Variants in CAMKMT observed in about 807,000 individuals in gnomAD.
The protein encoded by CAMKMT is calmodulin-lysine N-methyltransferase.
CAMKMT carries 53 observed loss-of-function variants against 48.0 expected under a neutral mutation model. That is an observed-to-expected ratio of 1.10 (90% CI 0.89 to 1.39). The LOEUF is 1.39. CAMKMT is among the 40% of genes most tolerant of loss of function. The pLI is 0.00. For synonymous variants in CAMKMT, 165 were observed against 152.3 expected, an observed-to-expected ratio of 1.08 and a Z score of -0.61; for missense variants, 428 against 402.7, an observed-to-expected ratio of 1.06 and a Z score of -0.54.
chr2:44,625,730 G>A (rs376445487), intron 3 of CAMKMT, among the ~76,000 whole-genome samples: 7 of 151,886 alleles, frequency 4.6e-5, no homozygotes, highest in South Asian at 4.1e-4. Context: ...TTTCCGTACC[G>A]ATATCCAGTT....
intron 3 of CAMKMT, among the ~76,000 whole-genome samples, chr2:44,579,294 T>C (rs754818091): frequency 4.7e-4 from 72 of 152,070 alleles, no homozygotes; most frequent in Admixed American, 6.6e-5. Flanking sequence ...TCATGTCAGG[T>C]ATTTAAAAGT....
intron 3 of CAMKMT, among the ~76,000 whole-genome samples, chr2:44,437,887 T>G (rs1161984688): frequency 6.7e-6 from 1 of 150,084 alleles, no homozygotes; most frequent in Admixed American, 6.7e-5. Context: ...TTCAGAGAAC[T>G]ACTACCTTCT....
At chr2:44,551,297 C>T (rs1667703241) in intron 3 of CAMKMT, among the ~76,000 whole-genome samples, 1 of 152,058 alleles carries the variant, frequency 6.6e-6, no homozygotes, top group Admixed American at 6.6e-5. Flanking sequence ...ACTCCAGAAA[C>T]CTGAGCATGA....
intron 3 of CAMKMT, among the ~76,000 whole-genome samples, chr2:44,475,195 T>G (rs1668624388): frequency 1.3e-5 from 2 of 152,188 alleles, no homozygotes; most frequent in Admixed American, 1.3e-4. Flanking sequence ...AGTAGATAAA[T>G]TAGGCTTTAA....
intron 3 of CAMKMT, among the ~76,000 whole-genome samples, chr2:44,486,977 A>G (rs1173491541): frequency 6.6e-6 from 1 of 152,222 alleles, no homozygotes. Flanking sequence ...GTGTTTCACT[A>G]TTTTATAGAT....
chr2:44,698,934 A>T (rs1677113063), intron 3 of CAMKMT, among the ~76,000 whole-genome samples: 1 of 152,220 alleles, frequency 6.6e-6, no homozygotes, highest in Non-Finnish European at 1.5e-5. Flanking sequence ...CAGCATCTTC[A>T]CCAGGAATTG....
At chr2:44,476,936 A>G (rs1047678665) in intron 3 of CAMKMT, among the ~76,000 whole-genome samples, 2 of 152,194 alleles carry the variant, frequency 1.3e-5, no homozygotes, top group African/African-American at 4.8e-5. Context: ...TATTATTATT[A>G]TCCAAATGGC....
chr2:44,522,429 T>C (rs1316548112), intron 3 of CAMKMT, among the ~76,000 whole-genome samples: 1 of 152,234 alleles, frequency 6.6e-6, no homozygotes, highest in Non-Finnish European at 1.5e-5. Flanking sequence ...CACTCACTAA[T>C]AAGCACTTCT....
chr2:44,614,609 A>T (rs753465554), intron 3 of CAMKMT, among the ~76,000 whole-genome samples: 1 of 152,206 alleles, frequency 6.6e-6, no homozygotes, highest in Admixed American at 6.5e-5. Context: ...GGAGAAAAAC[A>T]AGGCAAGGAA....
intron 3 of CAMKMT, among the ~76,000 whole-genome samples, chr2:44,636,304 A>G (rs974830559): frequency 3.9e-5 from 6 of 152,214 alleles, no homozygotes; most frequent in Non-Finnish European, 5.9e-5. Context: ...GTAACTGGGA[A>G]GACAGAATTA....
chr2:44,685,886 A>G (rs746973442), intron 3 of CAMKMT, among the ~76,000 whole-genome samples: 1 of 152,164 alleles, frequency 6.6e-6, no homozygotes. Flanking sequence ...TGATGAGGTC[A>G]GATTTTTTTT....
chr2:44,597,387 G>T (rs1356703239), intron 3 of CAMKMT, among the ~76,000 whole-genome samples: 2 of 152,182 alleles, frequency 1.3e-5, no homozygotes, highest in African/African-American at 4.8e-5. Flanking sequence ...TATTTCCAGT[G>T]AATCCACAAT....
At chr2:44,496,538 G>A (rs572441929) in intron 3 of CAMKMT, among the ~76,000 whole-genome samples, 2 of 152,312 alleles carry the variant, frequency 1.3e-5, no homozygotes, top group East Asian at 1.9e-4. Context: ...TGACTTGTAC[G>A]TATGCCTTAC....
intron 3 of CAMKMT, among the ~76,000 whole-genome samples, chr2:44,522,152 T>C (rs1671149565): frequency 6.6e-6 from 1 of 151,958 alleles, no homozygotes; most frequent in Non-Finnish European, 1.5e-5. Context: ...TACAGGCACA[T>C]GCCACCACTC....
chr2:44,451,410 G>C (rs1393148215), intron 3 of CAMKMT, among the ~76,000 whole-genome samples: 2 of 151,680 alleles, frequency 1.3e-5, no homozygotes, highest in Non-Finnish European at 3.0e-5. Context: ...TTTTTTTGGA[G>C]GATCTGTTCT....
chr2:44,685,802 A>G (rs1676303096), intron 3 of CAMKMT, among the ~76,000 whole-genome samples: 1 of 152,190 alleles, frequency 6.6e-6, no homozygotes, highest in Non-Finnish European at 1.5e-5. Flanking sequence ...GTGAATAATG[A>G]CTTAGAAATA....
chr2:44,457,452 G>A (rs1667622974), intron 3 of CAMKMT, among the ~76,000 whole-genome samples: 1 of 148,698 alleles, frequency 6.7e-6, no homozygotes, highest in African/African-American at 2.5e-5. Flanking sequence ...AGGCTGGAGT[G>A]CAGTGGCATG....
At chr2:44,710,785 A>G (rs982000527) in intron 6 of CAMKMT, among the ~76,000 whole-genome samples, 2 of 152,174 alleles carry the variant, frequency 1.3e-5, no homozygotes, top group Non-Finnish European at 2.9e-5. Flanking sequence ...CTAAATTATA[A>G]TGAATAAAAG....
At chr2:44,626,369 A>G (rs960478945) in intron 3 of CAMKMT, among the ~76,000 whole-genome samples, 3 of 152,164 alleles carry the variant, frequency 2.0e-5, no homozygotes, top group Non-Finnish European at 4.4e-5. Context: ...TGATTTTTAT[A>G]CTGACCTTTA....
Sources: gnomAD v4.1 joint callset for allele counts (sites outside exome capture counted in the v4.1 genomes callset) on GRCh38, gnomAD v4.1.1 for gene constraint, MANE v1.5 for transcripts, NCBI Gene and HGNC (gene_info 2026-07-23, HGNC 2026-07-21) for gene names.